The following MKNK1 variants were observed in gnomAD, a reference collection of about 807,000 sequenced individuals.
MKNK1 encodes MAP kinase-interacting serine/threonine-protein kinase 1.
MKNK1 carries 30 observed loss-of-function variants against 49.3 expected under a neutral mutation model. That is an observed-to-expected ratio of 0.61 (90% confidence interval 0.46 to 0.83). MKNK1 has a LOEUF of 0.83. Ranked by LOEUF, MKNK1 falls within the 40% of genes least tolerant of loss-of-function variation. The probability of loss-of-function intolerance (pLI) is 0.00; values close to 1 mark genes in which losing one functional copy is unlikely to be tolerated. For missense variants in MKNK1, 423 were observed against 524.7 expected, an observed-to-expected ratio of 0.81 and a Z score of 1.89; for synonymous variants, 176 against 201.7, an observed-to-expected ratio of 0.87 and a Z score of 1.08.
rs960234128 is a variant in MKNK1 at position 46,557,679 on chromosome 1, G to C, written c.*896C>G. On this transcript the variant is annotated 3_prime_UTR_variant, in exon 13 of 13. Coordinates refer to ENST00000371945, the MANE Select transcript of MKNK1 (RefSeq NM_001135553.4). Reference sequence around the variant, plus strand: ...TCTGTGCCACCCACACAAGACCTGGGGACACAGCAGCAGACACCGATGCTG... The same window carrying C: ...TCTGTGCCACCCACACAAGACCTGGCGACACAGCAGCAGACACCGATGCTG... 7.2e-5 allele frequency: 11 copies of C among 152,420 alleles called. No individual in the cohort carries two copies. Among genetic ancestry groups the C allele is most frequent in the Admixed American group, 1.3e-4 (2 of 15,262 alleles). The allele number at this position is 152,420 out of a possible 1,614,324, so 9.4% of individuals were successfully genotyped here. A position where few individuals can be genotyped will look rare whatever the true frequency, so the allele number is the denominator to read the frequency against.
At chr1:46,588,716 A>T (rs1303183414) in intron 2 of MKNK1, among the ~76,000 whole-genome samples, 1 of 151,710 alleles carries the variant, frequency 6.6e-6, no homozygotes, top group African/African-American at 2.4e-5. Flanking sequence ...CTGAGGCAGG[A>T]GAATGGCGTA....
chr1:46,571,122 A>G (rs1448292797), intron 7 of MKNK1, among the ~76,000 whole-genome samples: 1 of 152,262 alleles, frequency 6.6e-6, no homozygotes, highest in Non-Finnish European at 1.5e-5. Flanking sequence ...GAAAGATTTA[A>G]TTCACTACAA....
rs1437195357 is a variant in MKNK1 at position 46,589,764 on chromosome 1, T to C, written c.-3+4349A>G. On this transcript the variant is annotated intron_variant, in intron 2 of 12. Coordinates refer to ENST00000371945, the MANE Select transcript of MKNK1 (RefSeq NM_001135553.4). This position sits in a 1 kb window ranked among gnomAD's most constrained non-coding sequence, Gnocchi z 4.3. ...CTGACATGCAAGCATCCATCCACCA[T>C]TCTGCTCCAGAAAGTGACCTCGAGG... 6.6e-6 allele frequency among the ~76,000 whole-genome samples: 1 copy of C among 152,146 alleles called. No individual in the cohort carries two copies. Among genetic ancestry groups the C allele is most frequent in the East Asian group, 1.9e-4 (1 of 5,184 alleles).
At chr1:46,603,338 G>A (rs1190625392) in intron 1 of MKNK1, among the ~76,000 whole-genome samples, 1 of 152,170 alleles carries the variant, frequency 6.6e-6, no homozygotes, top group Non-Finnish European at 1.5e-5. Flanking sequence ...ATCCCACTGA[G>A]GCTTCAAGGC....
At chr1:46,561,095 G>A (rs139910625) in intron 11 of MKNK1, among the ~76,000 whole-genome samples, 1 of 152,158 alleles carries the variant, frequency 6.6e-6, no homozygotes, top group African/African-American at 2.4e-5. Flanking sequence ...GCCCCAACTC[G>A]GCCACACAAC....
intron 11 of MKNK1, among the ~76,000 whole-genome samples, chr1:46,560,565 C>T (rs749727074): frequency 4.6e-5 from 7 of 152,240 alleles, no homozygotes; most frequent in Non-Finnish European, 8.8e-5. Flanking sequence ...TCCCCTGTGA[C>T]GCACATTTCC....
At chr1:46,591,705 G>A (rs1673363500) in intron 2 of MKNK1, among the ~76,000 whole-genome samples, 1 of 152,154 alleles carries the variant, frequency 6.6e-6, no homozygotes, top group Non-Finnish European at 1.5e-5. Flanking sequence ...ACCCAACACA[G>A]CCATTGTTTC....
chr1:46,573,116 C>T (rs970541028), intron 6 of MKNK1, among the ~76,000 whole-genome samples: 7 of 152,278 alleles, frequency 4.6e-5, no homozygotes, highest in Middle Eastern at 3.4e-3. Flanking sequence ...AGAGGGAGAT[C>T]CTGAAGCCAA....
intron 12 of MKNK1, among the ~76,000 whole-genome samples, chr1:46,559,273 T>C (rs1667510456): frequency 6.6e-6 from 1 of 152,222 alleles, no homozygotes; most frequent in Non-Finnish European, 1.5e-5. Context: ...GATCTGAGGT[T>C]TGGCATCTAA....
chr1:46,582,722 G>A (rs564029701), intron 3 of MKNK1: 75 of 369,240 alleles, frequency 2.0e-4, no homozygotes, highest in South Asian at 1.2e-3. Flanking sequence ...ACCCAACATC[G>A]TTTCTACTGA....
chr1:46,572,388 C>CTTT, intron 6 of MKNK1: 1 of 317,290 alleles, frequency 3.2e-6, no homozygotes. Flanking sequence ...AATTTTTGTA[C>CTTT]TTTTTTTTTT....
chr1:46,603,739 T>C (rs1272533765), intron 1 of MKNK1, among the ~76,000 whole-genome samples: 1 of 152,228 alleles, frequency 6.6e-6, no homozygotes, highest in African/African-American at 2.4e-5. Flanking sequence ...CTGACACTCT[T>C]ATTACCTTTC....
intron 1 of MKNK1, among the ~76,000 whole-genome samples, chr1:46,598,460 G>A (rs1300621493): frequency 6.6e-6 from 1 of 152,146 alleles, no homozygotes; most frequent in Admixed American, 6.5e-5. Flanking sequence ...TGGAAAGAAA[G>A]AGAAGGTAAC....
intron 8 of MKNK1, among the ~76,000 whole-genome samples, chr1:46,566,285 CATA>C (rs962232275): frequency 1.3e-5 from 2 of 152,198 alleles, no homozygotes; most frequent in Non-Finnish European, 2.9e-5. Context: ...TTTCACTTAG[CATA>C]ATGTTTTCAA....
chr1:46,558,887 T>A, intron 12 of MKNK1, 87 bp from the exon 13 acceptor site: 1 of 1,143,308 alleles, frequency 8.7e-7, no homozygotes. Context: ...CTTGCTGCTG[T>A]GGCTCTACGC....
intron 1 of MKNK1, among the ~76,000 whole-genome samples, chr1:46,602,563 C>T (rs904439208): frequency 1.3e-5 from 2 of 152,240 alleles, no homozygotes; most frequent in African/African-American, 4.8e-5. Context: ...CTACATCCAG[C>T]TTGTCCAACC....
rs1292294032 is a variant in MKNK1 at position 46,562,847 on chromosome 1, T to G, written c.610-4A>C. 1.2e-6 allele frequency: 2 copies of G among 1,601,984 alleles called. No homozygotes were observed. Among genetic ancestry groups the G allele is most frequent in the Non-Finnish European group, 1.7e-6 (2 of 1,174,240 alleles). On this transcript the variant is annotated splice_polypyrimidine_tract_variant and splice_region_variant and intron_variant, in intron 9 of 12. Coordinates refer to ENST00000371945, the MANE Select transcript of MKNK1 (RefSeq NM_001135553.4). ...CCATGTATTCTGCAGAGCCACACTG[T>G]GGGGGCCAGGGTTGGGGGAGGGGGA...
intron 2 of MKNK1, among the ~76,000 whole-genome samples, chr1:46,587,746 G>A (rs1366421813): frequency 6.6e-6 from 1 of 152,162 alleles, no homozygotes; most frequent in African/African-American, 2.4e-5. Flanking sequence ...GAACCCCGGA[G>A]GCGGAGGTTG....
At chr1:46,572,465 G>A (rs1378915732) in intron 6 of MKNK1, among the ~76,000 whole-genome samples, 3 of 152,070 alleles carry the variant, frequency 2.0e-5, no homozygotes, top group Admixed American at 6.5e-5. Context: ...TGATCCGCCT[G>A]CCTCAGCCTC....
Sources: allele counts gnomAD v4.1 joint callset (sites outside exome capture counted in the v4.1 genomes callset), GRCh38; gene constraint gnomAD v4.1.1; non-coding constraint Gnocchi (gnomAD v3.1); transcripts MANE v1.5; gene names NCBI Gene and HGNC (gene_info 2026-07-23, HGNC 2026-07-21).